ST6GALNAC3: variants seen among roughly 807,000 people sequenced by gnomAD.
ST6GALNAC3 encodes the protein alpha-N-acetylgalactosaminide alpha-2,6-sialyltransferase 3.
ST6GALNAC3 carries 25 observed loss-of-function variants against 32.7 expected under a neutral mutation model. The ratio of observed to expected loss-of-function variants is 0.76; its 90% CI spans 0.56 to 1.07. The LOEUF (loss-of-function observed/expected upper bound fraction) is 1.07, where lower values mean the gene tolerates loss of function less well. Ranked by LOEUF, ST6GALNAC3 falls within the 50% of genes least tolerant of loss-of-function variation. The probability of loss-of-function intolerance (pLI) is 0.00; values close to 1 mark genes in which losing one functional copy is unlikely to be tolerated. For synonymous variants in ST6GALNAC3, 129 were observed against 133.1 expected (o/e 0.97, Z 0.21); for missense variants, 355 against 382.4 (o/e 0.93, Z 0.60).
At chr1:76,079,261 T>C (rs1646858297) in intron 1 of ST6GALNAC3, among the ~76,000 whole-genome samples, 1 of 152,254 alleles carries the variant, frequency 6.6e-6, no homozygotes, top group Non-Finnish European at 1.5e-5. Flanking sequence ...TTGTATTTAT[T>C]TGATCATTAG....
At chr1:76,310,457 G>A (rs531910751) in intron 1 of ST6GALNAC3, among the ~76,000 whole-genome samples, 5 of 152,250 alleles carry the variant, frequency 3.3e-5, no homozygotes, top group East Asian at 1.9e-4. Flanking sequence ...GCTTTCAGGC[G>A]ATTGGAAGAT....
At chr1:76,503,146 A>G (rs1018780330) in intron 3 of ST6GALNAC3, among the ~76,000 whole-genome samples, 9 of 152,334 alleles carry the variant, frequency 5.9e-5, no homozygotes, top group African/African-American at 2.2e-4. Flanking sequence ...GGCAGAGAGG[A>G]TAACTGGCTG....
At chr1:76,530,315 TG>T (rs1663175851) in intron 3 of ST6GALNAC3, among the ~76,000 whole-genome samples, 1 of 152,160 alleles carries the variant, frequency 6.6e-6, no homozygotes. Context: ...AAGGCAAACA[TG>T]TAAACCAGCA....
At chr1:76,381,032 TC>T (rs2101113971) in intron 2 of ST6GALNAC3, among the ~76,000 whole-genome samples, 1 of 152,140 alleles carries the variant, frequency 6.6e-6, no homozygotes, top group East Asian at 1.9e-4. Context: ...CTCAGGAGTG[TC>T]ATCTACCATC....
At chr1:76,594,961 C>A (rs1044473005) in intron 3 of ST6GALNAC3, among the ~76,000 whole-genome samples, 1 of 152,106 alleles carries the variant, frequency 6.6e-6, no homozygotes, top group Admixed American at 6.6e-5. Flanking sequence ...TCATTTGTCA[C>A]ATTGATACAT....
chr1:76,397,185 A>G (rs962033082), intron 2 of ST6GALNAC3, among the ~76,000 whole-genome samples: 3 of 152,120 alleles, frequency 2.0e-5, no homozygotes, highest in Admixed American at 2.0e-4. Context: ...AAATCTTAAT[A>G]TCTGATTGCT....
intron 3 of ST6GALNAC3, among the ~76,000 whole-genome samples, chr1:76,453,279 G>A (rs1169089826): frequency 1.3e-5 from 2 of 151,748 alleles, no homozygotes; most frequent in African/African-American, 2.4e-5. Context: ...ATTTCATTTA[G>A]TTCTGTTTGG....
At chr1:76,483,012 G>GAT (rs1178959503) in intron 3 of ST6GALNAC3, among the ~76,000 whole-genome samples, 5 of 151,874 alleles carry the variant, frequency 3.3e-5, no homozygotes, top group Non-Finnish European at 7.4e-5. Flanking sequence ...TGCTGAGAAT[G>GAT]ATAGTTTCCA....
intron 3 of ST6GALNAC3, among the ~76,000 whole-genome samples, chr1:76,500,308 AT>A (rs1214427466): frequency 6.6e-6 from 1 of 152,098 alleles, no homozygotes; most frequent in African/African-American, 2.4e-5. Flanking sequence ...TTCAGAGTAC[AT>A]TTTCCTTATT....
At chr1:76,538,720 A>G (rs948481069) in intron 3 of ST6GALNAC3, among the ~76,000 whole-genome samples, 4 of 152,182 alleles carry the variant, frequency 2.6e-5, no homozygotes, top group Non-Finnish European at 5.9e-5. Flanking sequence ...CCTTACACCA[A>G]CAGTAGACAA....
At chr1:76,597,646 GT>G (rs1323537471) in intron 3 of ST6GALNAC3, among the ~76,000 whole-genome samples, 1 of 152,056 alleles carries the variant, frequency 6.6e-6, no homozygotes, top group Non-Finnish European at 1.5e-5. Flanking sequence ...AGTCAAAGAA[GT>G]TCAAAAATTG....
chr1:76,562,877 A>T (rs1212412916), intron 3 of ST6GALNAC3, among the ~76,000 whole-genome samples: 2 of 152,168 alleles, frequency 1.3e-5, no homozygotes, highest in African/African-American at 4.8e-5. Context: ...AGATGAAGAG[A>T]CCAAGCCCTC....
rs1205027378 is a variant in ST6GALNAC3 at position 76,309,824 on chromosome 1, G to T, written c.19-3981G>T. On this transcript the variant is annotated intron_variant, in intron 1 of 4. Coordinates refer to ENST00000328299, the MANE Select transcript of ST6GALNAC3 (RefSeq NM_152996.4). ...GGTGTCTGGCTTCTGCTCTCTGGTT[G>T]CTCCCTTCACCCTCTCTGTGCTCAT... is the stretch of plus-strand genomic sequence containing the variant. 7.8e-6 allele frequency: 3 copies of T among 383,854 alleles called. No homozygotes were observed. The Admixed American group carries it at 8.8e-5, about 11-fold the overall frequency. 23.8% of individuals were successfully genotyped at this position (383,854 alleles called of 1,614,324 possible). A position where few individuals can be genotyped will look rare whatever the true frequency, so the allele number is the denominator to read the frequency against.
intron 2 of ST6GALNAC3, among the ~76,000 whole-genome samples, chr1:76,323,749 A>G (rs1373605657): frequency 2.0e-5 from 3 of 152,236 alleles, no homozygotes; most frequent in Non-Finnish European, 4.4e-5. Context: ...TTTGGAGATA[A>G]TACTTCAAAA....
intron 1 of ST6GALNAC3, among the ~76,000 whole-genome samples, chr1:76,249,501 A>G (rs1241072780): frequency 1.3e-5 from 2 of 152,080 alleles, no homozygotes; most frequent in Admixed American, 6.5e-5. Flanking sequence ...ATTCCATTCT[A>G]TAAAGTTACC....
rs530479799 is a variant in ST6GALNAC3 at position 76,409,380 on chromosome 1, A to G, written c.214-2628A>G. Among the ~76,000 whole-genome samples the G allele has an allele frequency of 2.0e-5, 3 of 152,284 alleles. No individual in the cohort carries two copies. The South Asian group carries it at 6.2e-4, about 32-fold the overall frequency. ...TTTTTTCAAAAGTTTTATCTTTGACATTTCAAATAAACACATGCCTTTGTC... is the reference window on the plus strand; with the variant it reads ...TTTTTTCAAAAGTTTTATCTTTGACGTTTCAAATAAACACATGCCTTTGTC... On this transcript the variant is annotated intron_variant, in intron 2 of 4. Transcript: ENST00000328299.
chr1:76,576,742 C>A, intron 3 of ST6GALNAC3: 1 of 913,578 alleles, frequency 1.1e-6, no homozygotes, highest in Non-Finnish European at 1.6e-6. Flanking sequence ...TAATCAGTTT[C>A]ACAGTAGGTA....
At chr1:76,590,155 A>G (rs1276911528) in intron 3 of ST6GALNAC3, among the ~76,000 whole-genome samples, 1 of 152,102 alleles carries the variant, frequency 6.6e-6, no homozygotes, top group Non-Finnish European at 1.5e-5. Context: ...CTCCCCATCA[A>G]CTGGGATCCA....
intron 2 of ST6GALNAC3, among the ~76,000 whole-genome samples, chr1:76,368,717 T>C (rs531813498): frequency 1.1e-4 from 17 of 152,340 alleles, no homozygotes; most frequent in African/African-American, 3.8e-4. Context: ...ATCATAATTC[T>C]AGCAGGTGAA....
Sources: gnomAD v4.1 joint callset for allele counts (sites outside exome capture counted in the v4.1 genomes callset) on GRCh38, gnomAD v4.1.1 for gene constraint, MANE v1.5 for transcripts, NCBI Gene and HGNC (gene_info 2026-07-23, HGNC 2026-07-21) for gene names.